The following BTBD7 variants were observed in gnomAD, a reference collection of about 807,000 sequenced individuals.
BTBD7 encodes BTB domain containing 7.
In BTBD7, 38 loss-of-function variants were observed where a neutral mutation model predicts 99.9. The observed-to-expected ratio is 0.38, with a 90% CI of 0.29 to 0.50. The LOEUF is 0.50. Ranked by LOEUF, BTBD7 falls within the 20% of genes least tolerant of loss-of-function variation. The probability of loss-of-function intolerance (pLI) is 0.93; values close to 1 mark genes in which losing one functional copy is unlikely to be tolerated. For missense variants in BTBD7, 1,170 were observed against 1,394.6 expected (o/e 0.84, Z 2.57); for synonymous variants, 520 against 511.4 (o/e 1.02, Z -0.23).
At chr14:93,328,060 C>A (rs2053353635) in intron 1 of BTBD7, among the ~76,000 whole-genome samples, 1 of 152,022 alleles carries the variant, frequency 6.6e-6, no homozygotes, top group South Asian at 2.1e-4. Context: ...TAGGAATAAA[C>A]TTAGACAAGG....
intron 5 of BTBD7, 76 bp from the exon 6 acceptor site, chr14:93,257,431 T>C: frequency 7.2e-7 from 1 of 1,382,882 alleles, no homozygotes; most frequent in East Asian, 2.3e-5. Context: ...CTCTAGTACA[T>C]ACACTAACAG....
chr14:93,331,848 T>C (rs2139844465), intron 1 of BTBD7, among the ~76,000 whole-genome samples: 1 of 147,852 alleles, frequency 6.8e-6, no homozygotes, highest in South Asian at 2.1e-4. Context: ...ACCACTGTTC[T>C]CCAGCCTGGG....
intron 1 of BTBD7, among the ~76,000 whole-genome samples, chr14:93,323,323 T>C (rs574578210): frequency 1.1e-4 from 17 of 152,044 alleles, no homozygotes; most frequent in African/African-American, 4.1e-4. Context: ...TGATGAAATA[T>C]ATACAGTTAG....
intron 5 of BTBD7, 72 bp downstream of exon 5, chr14:93,261,530 G>A (rs2139702668): frequency 8.8e-7 from 1 of 1,133,054 alleles, no homozygotes; most frequent in Non-Finnish European, 1.3e-6. Context: ...CTGATGTGCG[G>A]CATGCATTTC....
chr14:93,278,076 T>A (rs1388678654), intron 3 of BTBD7, among the ~76,000 whole-genome samples: 1 of 152,156 alleles, frequency 6.6e-6, no homozygotes, highest in African/African-American at 2.4e-5. Context: ...ATTAAGAATA[T>A]CATTGAAGGG....
chr14:93,309,290 C>T (rs1295500899), intron 1 of BTBD7, among the ~76,000 whole-genome samples: 1 of 151,578 alleles, frequency 6.6e-6, no homozygotes, highest in African/African-American at 2.4e-5. Flanking sequence ...GTGACTTATC[C>T]AAAGTCAAAT....
At chr14:93,279,598 AGTGCAGTGGC>A (rs1368646734) in intron 3 of BTBD7, among the ~76,000 whole-genome samples, 1 of 152,026 alleles carries the variant, frequency 6.6e-6, no homozygotes, top group African/African-American at 2.4e-5. Context: ...CCCAGGCTGG[AGTGCAGTGGC>A]GTGATCCCAG....
At chr14:93,304,697 A>G (rs2053049924) in intron 1 of BTBD7, among the ~76,000 whole-genome samples, 1 of 152,244 alleles carries the variant, frequency 6.6e-6, no homozygotes, top group Admixed American at 6.5e-5. Flanking sequence ...TAGAACTGAC[A>G]TCAGAGAATA....
At chr14:93,279,044 A>G (rs1247186889) in intron 3 of BTBD7, among the ~76,000 whole-genome samples, 1 of 152,250 alleles carries the variant, frequency 6.6e-6, no homozygotes, top group Non-Finnish European at 1.5e-5. Flanking sequence ...TACAGATTTC[A>G]TCTACTTACA....
At chr14:93,244,210 G>A (rs1256855055) in intron 10 of BTBD7, 14 of 375,774 alleles carry the variant, frequency 3.7e-5, no homozygotes, top group Non-Finnish European at 4.7e-5. Flanking sequence ...TGTGCTGAAG[G>A]TTGAGTGCGC....
intron 1 of BTBD7, among the ~76,000 whole-genome samples, chr14:93,299,277 G>A (rs2139778262): frequency 6.6e-6 from 1 of 152,212 alleles, no homozygotes; most frequent in South Asian, 2.1e-4. Flanking sequence ...TACTTCTCAG[G>A]TAACCAAAAT....
At chr14:93,248,327 G>A (rs1315854448) in intron 9 of BTBD7, 149 bp downstream of exon 9, 1 of 748,346 alleles carries the variant, frequency 1.3e-6, no homozygotes, top group Admixed American at 3.0e-5. Flanking sequence ...TCACCAGGAG[G>A]GACTTGCAGG....
intron 3 of BTBD7, among the ~76,000 whole-genome samples, chr14:93,281,254 G>T (rs1392969598): frequency 2.7e-5 from 4 of 148,692 alleles, no homozygotes; most frequent in Non-Finnish European, 5.9e-5. Context: ...TGCCTGCCTT[G>T]GCCTCCCAAA....
intron 3 of BTBD7, among the ~76,000 whole-genome samples, chr14:93,269,496 T>C (rs2052578267): frequency 1.3e-5 from 2 of 152,142 alleles, no homozygotes; most frequent in African/African-American, 4.8e-5. Context: ...CACAAACCCA[T>C]GACACATGCG....
rs72259710 is a variant in BTBD7 at position 93,240,032 on chromosome 14, AAGAC to A, written c.*2237_*2240del. ...ATGACGGCATTCACTTTTGTTTCTG[AAGAC>A]AGACAGAGACTGGGCTTCAAAAGAC... is the stretch of plus-strand genomic sequence containing the variant. On this transcript the variant is annotated 3_prime_UTR_variant, in exon 11 of 11. Coordinates refer to ENST00000334746, the MANE Select transcript of BTBD7 (RefSeq NM_001002860.4). 11,231 of 152,236 alleles carry A rather than the reference AAGAC, an allele frequency of 0.074. 448 individuals are homozygous for A. The highest frequency in any genetic ancestry group is 0.13 in the Middle Eastern group (38 of 294). 9.4% of individuals were successfully genotyped at this position (152,236 alleles called of 1,614,324 possible).
At position 93,311,745 on chromosome 14, in the gene BTBD7, A is replaced by T. The variant is rs1420449169; in HGVS notation, c.-106-15588T>A. On this transcript the variant is annotated intron_variant, in intron 1 of 10. Coordinates refer to ENST00000334746, the MANE Select transcript of BTBD7 (RefSeq NM_001002860.4). ...AATATGATCCATGAAAATATTTTTA[A>T]TTTTTTTTTTTTTTTACAATTCTTT... 1.4e-3 allele frequency among the ~76,000 whole-genome samples: 204 copies of T among 142,598 alleles called. 2 individuals carry two copies. Among genetic ancestry groups the T allele is most frequent in the Admixed American group, 2.4e-3 (35 of 14,420 alleles). 93.5% of individuals were successfully genotyped at this position (142,598 alleles called of 152,430 possible). A position where few individuals can be genotyped will look rare whatever the true frequency, so the allele number is the denominator to read the frequency against.
At chr14:93,263,567 G>A (rs1323342058) in intron 4 of BTBD7, among the ~76,000 whole-genome samples, 1 of 152,174 alleles carries the variant, frequency 6.6e-6, no homozygotes, top group Non-Finnish European at 1.5e-5. Flanking sequence ...GCTGGGACCT[G>A]GGCTTGTTCA....
chr14:93,271,426 C>T (rs1269505983), intron 3 of BTBD7, among the ~76,000 whole-genome samples: 2 of 152,146 alleles, frequency 1.3e-5, no homozygotes, highest in Non-Finnish European at 2.9e-5. Context: ...GCTTGCCATG[C>T]AACATAAAAC....
intron 1 of BTBD7, among the ~76,000 whole-genome samples, chr14:93,323,799 G>T (rs1229992144): frequency 6.6e-6 from 1 of 152,154 alleles, no homozygotes; most frequent in Non-Finnish European, 1.5e-5. Context: ...CACACGTCAT[G>T]TTTATTTAAA....
Sources: gnomAD v4.1 joint callset for allele counts (sites outside exome capture counted in the v4.1 genomes callset) on GRCh38, gnomAD v4.1.1 for gene constraint, MANE v1.5 for transcripts, NCBI Gene and HGNC (gene_info 2026-07-23, HGNC 2026-07-21) for gene names.